The following GRM1 variants were observed in gnomAD, a reference collection of about 807,000 sequenced individuals.
GRM1 encodes the protein metabotropic glutamate receptor 1.
A neutral mutation model predicts 90.9 loss-of-function variants in GRM1; 33 were observed. That is an observed-to-expected ratio of 0.36 (90% CI 0.28 to 0.49). The LOEUF is 0.49. Ranked by LOEUF, GRM1 falls within the 20% of genes least tolerant of loss-of-function variation. GRM1 has a pLI of 0.99. For synonymous variants in GRM1, 700 were observed against 613.2 expected (o/e 1.14, Z -2.09); for missense variants, 1,190 against 1,534.3 (o/e 0.78, Z 3.75).
chr6:146,215,013 A>G (rs1351590496), intron 2 of GRM1, among the ~76,000 whole-genome samples: 1 of 152,228 alleles, frequency 6.6e-6, no homozygotes, highest in Admixed American at 6.5e-5. Flanking sequence ...AATACACCTT[A>G]TAATGGAGCT....
intron 1 of GRM1, among the ~76,000 whole-genome samples, chr6:146,138,469 A>G (rs944820332): frequency 3.0e-4 from 46 of 152,066 alleles, no homozygotes; most frequent in Non-Finnish European, 4.4e-5. Flanking sequence ...AGTTATTTAA[A>G]TGTTTGGTAA....
chr6:146,393,928 T>C (rs1035723120), intron 6 of GRM1, among the ~76,000 whole-genome samples: 2 of 151,964 alleles, frequency 1.3e-5, no homozygotes, highest in South Asian at 2.1e-4. Context: ...TATAGACCAA[T>C]GGAACACAAC....
chr6:146,204,581 A>G (rs1779430342), intron 2 of GRM1, among the ~76,000 whole-genome samples: 3 of 152,226 alleles, frequency 2.0e-5, no homozygotes, highest in African/African-American at 4.8e-5. Context: ...AGAATATGCC[A>G]TGTCCATGTT....
chr6:146,091,116 C>A (rs1292088360), intron 1 of GRM1, among the ~76,000 whole-genome samples: 1 of 152,086 alleles, frequency 6.6e-6, no homozygotes, highest in Non-Finnish European at 1.5e-5. Context: ...GACAGAACTG[C>A]CCTGGTCAGG....
At position 146,029,569 on chromosome 6, in the gene GRM1, C is replaced by T; in HGVS notation, c.52C>T (p.Leu18Phe). Reference protein sequence around the residue: ...FFPAIFLEVSLLPRSPGRKVL... With the variant: ...FFPAIFLEVSFLPRSPGRKVL... ...CCCAGCGATCTTTTTGGAGGTGTCC[C>T]TTCTCCCCAGAAGCCCCGGCAGGAA... Residue 18 changes from leucine (L) to phenylalanine (F), a missense_variant, in exon 1 of 8, where the codon CTT (leucine) becomes TTT (phenylalanine). By Grantham distance (22) the Leu-to-Phe change is conservative. Around this residue, in one of 10 missense-constraint regions of GRM1, gnomAD observed 44 missense variants for 35.8 expected, o/e 1.23. Transcript: ENST00000282753. The T allele has an allele frequency of 6.2e-7, 1 of 1,614,108 alleles. No individual in the cohort carries two copies. Among genetic ancestry groups the T allele is most frequent in the African/African-American group, 1.3e-5 (1 of 75,008 alleles).
intron 3 of GRM1, among the ~76,000 whole-genome samples, chr6:146,349,401 A>G (rs1268052464): frequency 6.6e-6 from 1 of 152,000 alleles, no homozygotes; most frequent in Non-Finnish European, 1.5e-5. Context: ...TATTGTAGAT[A>G]TGAAGCTATT....
chr6:146,299,688 T>C (rs1783305446), intron 2 of GRM1, among the ~76,000 whole-genome samples: 1 of 152,230 alleles, frequency 6.6e-6, no homozygotes, highest in East Asian at 1.9e-4. Context: ...AATAAATGGC[T>C]AATATTCATC....
intron 1 of GRM1, among the ~76,000 whole-genome samples, chr6:146,060,088 A>G (rs1582943127): frequency 1.3e-5 from 2 of 152,156 alleles, no homozygotes; most frequent in East Asian, 3.9e-4. Context: ...CAACTTGGCT[A>G]ACTTTTTGGT....
chr6:146,177,823 T>C (rs1778389825), intron 2 of GRM1, among the ~76,000 whole-genome samples: 1 of 152,152 alleles, frequency 6.6e-6, no homozygotes. Context: ...TTGCTCATCA[T>C]AGGTCTGCAG....
At chr6:146,267,774 G>A (rs137888477) in intron 2 of GRM1, among the ~76,000 whole-genome samples, 387 of 147,382 alleles carry the variant, frequency 2.6e-3, no homozygotes, top group African/African-American at 8.9e-3. Flanking sequence ...ATGTTTTTCT[G>A]CCTGCTTTAT....
At chr6:146,201,956 A>G (rs1779312114) in intron 2 of GRM1, among the ~76,000 whole-genome samples, 1 of 152,186 alleles carries the variant, frequency 6.6e-6, no homozygotes, top group Non-Finnish European at 1.5e-5. Flanking sequence ...GCTCTGCAGA[A>G]GAGTTTTGGA....
chr6:146,339,434 T>A (rs568972861), intron 3 of GRM1, among the ~76,000 whole-genome samples: 1 of 152,322 alleles, frequency 6.6e-6, no homozygotes, highest in East Asian at 1.9e-4. Flanking sequence ...TCCACAGACA[T>A]TAAGAGCTCT....
At chr6:146,130,251 C>CCCTT (rs550427684) in intron 1 of GRM1, among the ~76,000 whole-genome samples, 4 of 144,692 alleles carry the variant, frequency 2.8e-5, no homozygotes, top group Non-Finnish European at 3.0e-5. Flanking sequence ...CTCCCTCCCT[C>CCCTT]CCTTCCTTCC....
chr6:146,101,820 T>A (rs1268370216), intron 1 of GRM1, among the ~76,000 whole-genome samples: 3 of 148,778 alleles, frequency 2.0e-5, no homozygotes, highest in African/African-American at 7.3e-5. Context: ...TATAATTATA[T>A]ATTATTACTG....
chr6:146,338,256 G>A (rs1784846112), intron 3 of GRM1, among the ~76,000 whole-genome samples: 1 of 152,170 alleles, frequency 6.6e-6, no homozygotes, highest in Non-Finnish European at 1.5e-5. Flanking sequence ...CTATGAATCG[G>A]CTTTTTCAAT....
chr6:146,220,340 T>C (rs1002715116), intron 2 of GRM1, among the ~76,000 whole-genome samples: 1 of 152,102 alleles, frequency 6.6e-6, no homozygotes, highest in Admixed American at 6.6e-5. Context: ...TTTTAAGAAA[T>C]TTTTTTCACA....
At chr6:146,044,239 C>T (rs1791240993) in intron 1 of GRM1, among the ~76,000 whole-genome samples, 1 of 151,872 alleles carries the variant, frequency 6.6e-6, no homozygotes, top group Admixed American at 6.6e-5. Flanking sequence ...TCCTGTTTTC[C>T]CCTTTTCTCA....
intron 2 of GRM1, among the ~76,000 whole-genome samples, chr6:146,292,986 A>C (rs35870660): frequency 0.01 from 1,541 of 152,126 alleles, 14 homozygotes; most frequent in South Asian, 0.024. Flanking sequence ...AAATCTCTAA[A>C]ACATCATGCT....
chr6:146,406,776 G>A (rs1777363724), intron 7 of GRM1, among the ~76,000 whole-genome samples: 1 of 152,168 alleles, frequency 6.6e-6, no homozygotes, highest in African/African-American at 2.4e-5. Flanking sequence ...GAAGGTTGCA[G>A]TGAGCCAAGA....
Sources: gnomAD v4.1 joint callset for allele counts (sites outside exome capture counted in the v4.1 genomes callset) on GRCh38, gnomAD v4.1.1 for gene constraint, gnomAD v4.1.1 regional missense constraint, MANE v1.5 for transcripts, NCBI Gene and HGNC (gene_info 2026-07-23, HGNC 2026-07-21) for gene names.